Variants in CADM2 observed in about 807,000 individuals in gnomAD.
The protein encoded by CADM2 is cell adhesion molecule 2.
Under a neutral mutation model 49.8 loss-of-function variants are expected in CADM2, and 12 were observed. That is an observed-to-expected ratio of 0.24 (90% CI 0.15 to 0.39). The LOEUF (loss-of-function observed/expected upper bound fraction) is 0.39, where lower values mean the gene tolerates loss of function less well. Ranked by LOEUF, CADM2 falls within the 10% of genes least tolerant of loss-of-function variation. The pLI is 1.00. For synonymous variants in CADM2, 214 were observed against 175.4 expected (o/e 1.22, Z -1.74); for missense variants, 378 against 492.3 (o/e 0.77, Z 2.20).
intron 1 of CADM2, among the ~76,000 whole-genome samples, chr3:85,312,016 T>C (rs1033952470): frequency 6.6e-6 from 1 of 152,178 alleles, no homozygotes; most frequent in Non-Finnish European, 1.5e-5. Flanking sequence ...TGCTAAGAAA[T>C]TTTATGTGTT....
intron 1 of CADM2, among the ~76,000 whole-genome samples, chr3:85,542,572 T>C (rs903801997): frequency 7.2e-5 from 11 of 152,210 alleles, no homozygotes; most frequent in African/African-American, 2.4e-4. Flanking sequence ...TATGACAGCA[T>C]GAAAATCTTT....
At chr3:85,120,733 A>G (rs1460164211) in intron 1 of CADM2, among the ~76,000 whole-genome samples, 1 of 152,080 alleles carries the variant, frequency 6.6e-6, no homozygotes, top group Non-Finnish European at 1.5e-5. Context: ...TGTAGATGAC[A>G]GGTAGATGGC....
chr3:85,677,002 CAATGAACAG>C (rs2065903876), intron 1 of CADM2, among the ~76,000 whole-genome samples: 1 of 152,138 alleles, frequency 6.6e-6, no homozygotes, highest in South Asian at 2.1e-4. Flanking sequence ...GTTATCTGCA[CAATGAACAG>C]ACATTGTGGG....
intron 1 of CADM2, among the ~76,000 whole-genome samples, chr3:85,392,881 A>G (rs1012879460): frequency 5.3e-5 from 8 of 152,202 alleles, no homozygotes; most frequent in Middle Eastern, 3.4e-3. Context: ...GGAGGCCTTC[A>G]TATTTATTCT....
intron 2 of CADM2, among the ~76,000 whole-genome samples, chr3:85,778,893 A>G (rs1014945499): frequency 2.6e-5 from 4 of 152,160 alleles, no homozygotes; most frequent in African/African-American, 9.7e-5. Context: ...CACACTCTTC[A>G]TACACTTTAT....
chr3:85,214,549 TG>T, intron 1 of CADM2, among the ~76,000 whole-genome samples: 1 of 151,532 alleles, frequency 6.6e-6, no homozygotes, highest in Middle Eastern at 3.4e-3. Context: ...CCCCCAACCC[TG>T]GTCCTGGCCA....
chr3:85,860,778 G>A (rs572649345), intron 3 of CADM2, among the ~76,000 whole-genome samples: 2 of 152,224 alleles, frequency 1.3e-5, no homozygotes, highest in East Asian at 1.9e-4. Flanking sequence ...AAATTTGGAG[G>A]AAGGGGGACA....
At chr3:85,438,870 T>G (rs2037054309) in intron 1 of CADM2, among the ~76,000 whole-genome samples, 1 of 151,998 alleles carries the variant, frequency 6.6e-6, no homozygotes. Flanking sequence ...ATATTTTTTG[T>G]AGAAATAGGC....
chr3:85,265,052 A>T (rs1482831624), intron 1 of CADM2, among the ~76,000 whole-genome samples: 1 of 152,020 alleles, frequency 6.6e-6, no homozygotes, highest in Non-Finnish European at 1.5e-5. Context: ...TCTTAGAACA[A>T]CATTCAGAAT....
intron 1 of CADM2, among the ~76,000 whole-genome samples, chr3:85,302,641 G>A (rs561821134): frequency 4.2e-4 from 64 of 151,982 alleles, no homozygotes; most frequent in Middle Eastern, 3.4e-3. Flanking sequence ...TATAATTATC[G>A]TATATTATAA....
At chr3:85,363,863 G>T (rs373319982) in intron 1 of CADM2, among the ~76,000 whole-genome samples, 1 of 151,000 alleles carries the variant, frequency 6.6e-6, no homozygotes, top group Non-Finnish European at 1.5e-5. Context: ...CGCCCGCCTC[G>T]GCCTCCTAAA....
chr3:85,357,329 A>G (rs1237663019), intron 1 of CADM2, among the ~76,000 whole-genome samples: 1 of 152,102 alleles, frequency 6.6e-6, no homozygotes, highest in Non-Finnish European at 1.5e-5. Context: ...CTAATTTTAA[A>G]TATATCTTCA....
intron 1 of CADM2, among the ~76,000 whole-genome samples, chr3:85,492,969 T>C (rs372891646): frequency 6.6e-6 from 1 of 152,048 alleles, no homozygotes; most frequent in Non-Finnish European, 1.5e-5. Context: ...ATATATTAAG[T>C]AATCAAGGGG....
intron 1 of CADM2, among the ~76,000 whole-genome samples, chr3:85,328,716 A>G (rs1263685892): frequency 1.3e-5 from 2 of 152,302 alleles, no homozygotes; most frequent in East Asian, 3.9e-4. Context: ...AATGATTAAA[A>G]TGTTTCATAG....
chr3:85,133,656 C>G (rs1041450288), intron 1 of CADM2, among the ~76,000 whole-genome samples: 1 of 152,190 alleles, frequency 6.6e-6, no homozygotes, highest in Non-Finnish European at 1.5e-5. Context: ...TTCACAAACC[C>G]TGAGCTAGAC....
At chr3:85,616,634 T>C (rs114597257) in intron 1 of CADM2, among the ~76,000 whole-genome samples, 2,732 of 152,246 alleles carry the variant, frequency 0.018, 74 homozygotes, top group African/African-American at 0.061. Context: ...CAGTGGATAT[T>C]CCCACTGAAC....
At position 86,074,397 on chromosome 3, in the gene CADM2, T is replaced by G. The variant is rs1251293052; in HGVS notation, c.*7614T>G. The G allele has an allele frequency of 1.3e-5, 2 of 152,044 alleles. No homozygotes were observed. Among genetic ancestry groups the G allele is most frequent in the African/African-American group, 4.8e-5 (2 of 41,448 alleles). 9.4% of individuals were successfully genotyped at this position (152,044 alleles called of 1,614,324 possible). On this transcript the variant is annotated 3_prime_UTR_variant, in exon 10 of 10. Transcript: ENST00000383699. Reference sequence around the variant, plus strand: ...CATATTTGTGTTAGACCATGAAATATTCCATTAAAATTTATCTGTAAATAC... The same window carrying G: ...CATATTTGTGTTAGACCATGAAATAGTCCATTAAAATTTATCTGTAAATAC...
intron 1 of CADM2, among the ~76,000 whole-genome samples, chr3:85,652,848 G>C (rs2065093669): frequency 8.2e-6 from 1 of 121,634 alleles, no homozygotes; most frequent in Non-Finnish European, 1.6e-5. Flanking sequence ...CATGATCTCG[G>C]TTCACTGTAA....
Position 86,069,390 on chromosome 3 carries a change from TA to T in CADM2, c.*2610del, listed in dbSNP as rs1739643866. ...TATATTATAATTTGTGGGATCTAATTAAATGTTTGCCTATTAAATATAGTTT... is the reference window on the plus strand; with the variant it reads ...TATATTATAATTTGTGGGATCTAATTAATGTTTGCCTATTAAATATAGTTT... On this transcript the variant is annotated 3_prime_UTR_variant, in exon 10 of 10. Coordinates refer to ENST00000383699, the MANE Select transcript of CADM2 (RefSeq NM_001167675.2). 6.6e-6 allele frequency: 1 copy of T among 151,980 alleles called. No individual in the cohort carries two copies. Among genetic ancestry groups the T allele is most frequent in the African/African-American group, 2.4e-5 (1 of 41,426 alleles). 9.4% of individuals were successfully genotyped at this position (151,980 alleles called of 1,614,324 possible).
Sources: gnomAD v4.1 joint callset for allele counts (sites outside exome capture counted in the v4.1 genomes callset) on GRCh38, gnomAD v4.1.1 for gene constraint, MANE v1.5 for transcripts, NCBI Gene and HGNC (gene_info 2026-07-23, HGNC 2026-07-21) for gene names.